Variants in ANKS6 observed in about 807,000 individuals in gnomAD.
ANKS6 encodes the protein ankyrin repeat and sterile alpha motif domain containing 6, also known as ankyrin repeat and SAM domain-containing protein 6.
In ANKS6, 47 loss-of-function variants were observed where a neutral mutation model predicts 77.9. The ratio of observed to expected loss-of-function variants is 0.60; its 90% CI spans 0.48 to 0.77. The LOEUF (loss-of-function observed/expected upper bound fraction) is 0.77, where lower values mean the gene tolerates loss of function less well. Ranked by LOEUF, ANKS6 falls within the 30% of genes least tolerant of loss-of-function variation. The pLI is 0.00. For synonymous variants in ANKS6, 488 were observed against 501.7 expected, an observed-to-expected ratio of 0.97 and a Z score of 0.37; for missense variants, 1,150 against 1,159.1, an observed-to-expected ratio of 0.99 and a Z score of 0.11.
At position 98,770,975 on chromosome 9, in the gene ANKS6, G is replaced by C. The variant is rs1193258371; in HGVS notation, c.1893C>G (p.Phe631Leu). The C allele has an allele frequency of 1.3e-6, 2 of 1,599,250 alleles. No individual in the cohort carries two copies. Among genetic ancestry groups the C allele is most frequent in the Non-Finnish European group, 1.7e-6 (2 of 1,172,840 alleles). Reference protein sequence around the residue: ...SPASSANSGNFNHSPHSSGGS... With the variant: ...SPASSANSGNLNHSPHSSGGS... The stretch of plus-strand genomic sequence containing the variant: ...CGCCCGATGAATGAGGCGAGTGGTT[G>C]AAGTTTCCAGAATTGGCAGAAGAGG... Residue 631 changes from phenylalanine to leucine, a missense_variant, in exon 10 of 15, where the codon TTC (phenylalanine) becomes TTG (leucine). Transcript: ENST00000353234.
At position 98,734,405 on chromosome 9, in the gene ANKS6, T is replaced by C; in HGVS notation, c.*2114A>G. On this transcript the variant is annotated 3_prime_UTR_variant, in exon 15 of 15. Coordinates refer to ENST00000353234, the MANE Select transcript of ANKS6 (RefSeq NM_173551.5). ...GAGTGGAAGCTATACCAGTATATTG[T>C]TATGAAAAAAACAGGACCACAGCAA... 1 of 985,418 alleles carries C rather than the reference T, an allele frequency of 1.0e-6. No homozygotes were observed. Among genetic ancestry groups the C allele is most frequent in the Non-Finnish European group, 1.2e-6 (1 of 829,932 alleles). 61.0% of individuals were successfully genotyped at this position (985,418 alleles called of 1,614,324 possible).
intron 14 of ANKS6, among the ~76,000 whole-genome samples, chr9:98,743,935 G>A (rs1003718822): frequency 4.6e-5 from 7 of 151,872 alleles, no homozygotes; most frequent in African/African-American, 1.7e-4. Flanking sequence ...TTTCCTGGAC[G>A]ATGCCCTTCC....
intron 12 of ANKS6, among the ~76,000 whole-genome samples, chr9:98,754,295 G>A (rs1475679256): frequency 6.6e-6 from 1 of 152,160 alleles, no homozygotes; most frequent in Non-Finnish European, 1.5e-5. Context: ...GCAGGGAAAA[G>A]CTCACGTGTC....
At chr9:98,751,913 T>G (rs2117892899) in intron 12 of ANKS6, among the ~76,000 whole-genome samples, 1 of 152,266 alleles carries the variant, frequency 6.6e-6, no homozygotes, top group Non-Finnish European at 1.5e-5. Context: ...AGATTTCATC[T>G]CTACAAAAAA....
chr9:98,789,702 G>C (rs989287386), intron 2 of ANKS6, among the ~76,000 whole-genome samples: 1 of 152,136 alleles, frequency 6.6e-6, no homozygotes, highest in African/African-American at 2.4e-5. Flanking sequence ...CATATGTAAG[G>C]CTGCTTTCAC....
chr9:98,783,302 A>C (rs1165557515), intron 4 of ANKS6, among the ~76,000 whole-genome samples: 2 of 152,204 alleles, frequency 1.3e-5, no homozygotes, highest in Non-Finnish European at 2.9e-5. Context: ...GACTCATCGA[A>C]TAAGAAAACA....
At chr9:98,756,385 G>C in intron 12 of ANKS6, 35 bp downstream of exon 12, 1 of 1,600,182 alleles carries the variant, frequency 6.2e-7, no homozygotes, top group Non-Finnish European at 8.5e-7. Flanking sequence ...ATGGTGAGAG[G>C]AATAGGTGGG....
Position 98,773,946 on chromosome 9 carries a change from G to T in ANKS6, c.1752C>A (p.Asp584Glu). The T allele has an allele frequency of 6.2e-7, 1 of 1,602,858 alleles. No homozygotes were observed. The change falls in exon 9 of 15, where the codon GAC (aspartate) becomes GAA (glutamate). Residue 584 changes from aspartate (D) to glutamate (E), a missense_variant. By Grantham distance (45) the Asp-to-Glu change is conservative. Transcript: ENST00000353234. ...RSRTRHNGKA[D>E]PMKTALPQRA... ...TCTGGGGCAGCGCAGTCTTCATGGG[G>T]TCTGCCTTCCCGTTGTGACGCGTCC...
rs1834049689 is a variant in ANKS6, at chr9:98,778,555, A to T, written c.1369-131T>A. The T allele has an allele frequency of 6.4e-6, 5 of 781,778 alleles. No homozygotes were observed. The Admixed American group carries it at 7.9e-5, about 12-fold the overall frequency. 48.4% of individuals were successfully genotyped at this position (781,778 alleles called of 1,614,324 possible). A position where few individuals can be genotyped will look rare whatever the true frequency, so the allele number is the denominator to read the frequency against. On this transcript the variant is annotated intron_variant, in intron 6 of 14. Coordinates refer to ENST00000353234, the MANE Select transcript of ANKS6 (RefSeq NM_173551.5). Reference sequence around the variant, plus strand: ...CTCCCCTCTCCTGGGGCCCAGACAGACATTACTGATCAATGATAGCACCCA... The same window carrying T: ...CTCCCCTCTCCTGGGGCCCAGACAGTCATTACTGATCAATGATAGCACCCA...
intron 8 of ANKS6, among the ~76,000 whole-genome samples, chr9:98,776,272 T>G (rs2118070024): frequency 1.3e-5 from 2 of 152,320 alleles, no homozygotes; most frequent in East Asian, 3.9e-4. Flanking sequence ...TGTCCCCCAG[T>G]ATCTACTTTT....
rs961824459 is a variant in ANKS6 at position 98,773,887 on chromosome 9, C to G, written c.1811G>C (p.Gly604Ala). 4 of 1,557,160 alleles carry G rather than the reference C, an allele frequency of 2.6e-6. No homozygotes were observed. The highest frequency in any genetic ancestry group is 3.5e-6 in the Non-Finnish European group (4 of 1,158,084). ...CAGAAGACAACTTACAGTGTCTGTG[C>G]CCCCGCCGCCCACGGGGTGGCCCCT... ...ASRGHPVGGG[G>A]TDTTPVRPVK... The change falls in exon 9 of 15, where the codon GGC becomes GCC. Residue 604 changes from glycine (G) to alanine (A), a missense_variant. Physicochemically the swap from Gly to Ala is moderately conservative, Grantham distance 60. Transcript: ENST00000353234.
rs1833776888 is a variant in ANKS6, at chr9:98,773,944, G to T, written c.1754C>A (p.Pro585His). 1.9e-6 allele frequency: 3 copies of T among 1,602,796 alleles called. No homozygotes were observed. Among genetic ancestry groups the T allele is most frequent in the Non-Finnish European group, 2.5e-6 (3 of 1,176,902 alleles). The change falls in exon 9 of 15, where the codon CCC becomes CAC. Residue 585 changes from proline to histidine, a missense_variant. Coordinates refer to ENST00000353234, the MANE Select transcript of ANKS6 (RefSeq NM_173551.5). ...SRTRHNGKAD[P>H]MKTALPQRAS... ...TCTCTGGGGCAGCGCAGTCTTCATG[G>T]GGTCTGCCTTCCCGTTGTGACGCGT...
At chr9:98,776,048 AGGGTC>A (rs2118068222) in intron 8 of ANKS6, among the ~76,000 whole-genome samples, 1 of 152,310 alleles carries the variant, frequency 6.6e-6, no homozygotes, top group African/African-American at 2.4e-5. Context: ...GGCTAGTATT[AGGGTC>A]TTAGCGCTAA....
Position 98,732,888 on chromosome 9 carries a change from C to T in ANKS6, c.*3631G>A, listed in dbSNP as rs1428335069. Reference sequence around the variant, plus strand: ...TTCCTCCCTGACGATCTAGAACTTACACATTACGTGCTGCCTTTGCACATG... The same window carrying T: ...TTCCTCCCTGACGATCTAGAACTTATACATTACGTGCTGCCTTTGCACATG... On this transcript the variant is annotated 3_prime_UTR_variant, in exon 15 of 15. Coordinates refer to ENST00000353234, the MANE Select transcript of ANKS6 (RefSeq NM_173551.5). 7.1e-6 allele frequency: 8 copies of T among 1,127,654 alleles called. No individual in the cohort carries two copies. Among genetic ancestry groups the T allele is most frequent in the Non-Finnish European group, 8.7e-6 (8 of 917,666 alleles). 69.9% of individuals were successfully genotyped at this position (1,127,654 alleles called of 1,614,324 possible). A position where few individuals can be genotyped will look rare whatever the true frequency, so the allele number is the denominator to read the frequency against.
At chr9:98,785,008 G>A (rs1834489382) in intron 2 of ANKS6, 132 bp from the exon 3 acceptor site, 20 of 733,610 alleles carry the variant, frequency 2.7e-5, no homozygotes, top group South Asian at 2.1e-4. Context: ...GGAGACCTAC[G>A]TAATGGACAA....
chr9:98,773,484 C>T (rs148335428), intron 9 of ANKS6, among the ~76,000 whole-genome samples: 1 of 152,326 alleles, frequency 6.6e-6, no homozygotes, highest in African/African-American at 2.4e-5. Context: ...ACCAGTAGCA[C>T]ACAGAGTTGC....
intron 2 of ANKS6, 119 bp from the exon 3 acceptor site, chr9:98,784,995 A>G: frequency 1.2e-6 from 1 of 863,028 alleles, no homozygotes; most frequent in Non-Finnish European, 1.8e-6. Context: ...AAGCAATCTA[A>G]TTGGAGACCT....
At chr9:98,770,762 A>G (rs1833574630) in intron 10 of ANKS6, 134 bp downstream of exon 10, 1 of 958,850 alleles carries the variant, frequency 1.0e-6, no homozygotes, top group Non-Finnish European at 1.4e-6. Context: ...AAAATCTCTT[A>G]GCCACATTAA....
intron 13 of ANKS6, among the ~76,000 whole-genome samples, chr9:98,746,694 A>G (rs1252204462): frequency 6.6e-6 from 1 of 151,618 alleles, no homozygotes; most frequent in African/African-American, 2.4e-5. Flanking sequence ...ACAATGCCAC[A>G]TCACCCTTCA....
Sources: gnomAD v4.1 joint callset for allele counts (sites outside exome capture counted in the v4.1 genomes callset) on GRCh38, gnomAD v4.1.1 for gene constraint, MANE v1.5 for transcripts, NCBI Gene and HGNC (gene_info 2026-07-23, HGNC 2026-07-21) for gene names.